SMG5: variants seen among roughly 807,000 people sequenced by gnomAD.
SMG5 encodes SMG5 nonsense mediated mRNA decay factor, also known as nonsense-mediated mRNA decay factor SMG5.
SMG5 carries 53 observed loss-of-function variants against 122.9 expected under a neutral mutation model. The ratio of observed to expected loss-of-function variants is 0.43; its 90% CI spans 0.35 to 0.54. SMG5 has a LOEUF of 0.54. SMG5 is among the 20% of genes least tolerant of loss of function. SMG5 has a pLI of 0.01. For missense variants in SMG5, 1,153 were observed against 1,285.6 expected (o/e 0.90, Z 1.58); for synonymous variants, 477 against 490.2 (o/e 0.97, Z 0.35).
Position 156,266,667 on chromosome 1 carries a change from A to G in SMG5, c.1129T>C (p.Tyr377His). ...HSLERAGSKQ[Y>H]SAAIAFTLAL... Reference sequence around the variant, plus strand: ...AGGGTGAAGGCAATGGCTGCACTGTACTGCTTGGATCCTGAAGTCAGGAAA... The same window carrying G: ...AGGGTGAAGGCAATGGCTGCACTGTGCTGCTTGGATCCTGAAGTCAGGAAA... Residue 377 changes from tyrosine to histidine, a missense_variant, in exon 11 of 22, where the codon TAC becomes CAC. Physicochemically the swap from Tyr to His is moderately conservative, Grantham distance 83. Around this residue, in one of 5 missense-constraint regions of SMG5, gnomAD observed 631 missense variants for 650.6 expected, o/e 0.97. Transcript: ENST00000361813. 1 of 1,614,168 alleles carries G rather than the reference A, an allele frequency of 6.2e-7. No homozygotes were observed. The highest frequency in any genetic ancestry group is 8.5e-7 in the Non-Finnish European group (1 of 1,180,038).
intron 10 of SMG5, 122 bp from the exon 11 acceptor site, chr1:156,266,800 T>TA: frequency 1.7e-5 from 20 of 1,152,122 alleles, no homozygotes; most frequent in African/African-American, 3.3e-5. Context: ...TATCAAAGAT[T>TA]CTTTTTTTTT....
In SMG5 at chr1:156,268,251, C is replaced by T. The variant is rs375298201; in HGVS notation, c.839+39G>A. 1.2e-5 allele frequency: 19 copies of T among 1,613,964 alleles called. No homozygotes were observed. The African/African-American group carries it at 1.3e-4, about 11-fold the overall frequency. ...AGTCCCTATGGTCCTACTGCACCAA[C>T]TGCAGAAAAAACCCGTCCTCCTCAC... On this transcript the variant is annotated intron_variant, in intron 8 of 21. Transcript: ENST00000361813.
chr1:156,263,361 G>A, intron 13 of SMG5, 34 bp downstream of exon 13: 2 of 1,585,052 alleles, frequency 1.3e-6, no homozygotes, highest in Non-Finnish European at 1.7e-6. Flanking sequence ...AAGACCCTGG[G>A]ACCTGACAGG....
intron 12 of SMG5, among the ~76,000 whole-genome samples, chr1:156,263,924 G>C (rs1190445132): frequency 6.6e-6 from 1 of 152,178 alleles, no homozygotes; most frequent in African/African-American, 2.4e-5. Context: ...AGGGCAGACA[G>C]TTAGAGGGGA....
At position 156,265,991 on chromosome 1, in the gene SMG5, G is replaced by A; in HGVS notation, c.1645C>T (p.Pro549Ser). 1.2e-6 allele frequency: 2 copies of A among 1,614,228 alleles called. No individual in the cohort carries two copies. The highest frequency in any genetic ancestry group is 8.5e-7 in the Non-Finnish European group (1 of 1,180,044). ...CCCAGTGGGCCATTGAGGGAATCGG[G>A]AGCCTCTGATCTGCCCCGAGGGGGC... ...LEPPRGRSEA[P>S]DSLNGPLGPS... Residue 549 changes from proline to serine, a missense_variant, in exon 12 of 22, where the codon CCC (proline) becomes TCC (serine). By Grantham distance (74) the Pro-to-Ser change is moderately conservative (BLOSUM62 -1). This residue lies in a region of SMG5 where 631 missense variants were observed against 650.6 expected (regional missense o/e 0.97). Coordinates refer to ENST00000361813, the MANE Select transcript of SMG5 (RefSeq NM_015327.3).
rs748576435 is a variant in SMG5 at position 156,277,911 on chromosome 1, G to A, written c.297+14C>T. 1.9e-6 allele frequency: 3 copies of A among 1,613,378 alleles called. No individual in the cohort carries two copies. Among genetic ancestry groups the A allele is most frequent in the South Asian group, 2.2e-5 (2 of 91,038 alleles). ...TCCTTGGCTTTCCCTCTTTAGACAA[G>A]GACTTCCCCTTACCTTTTTGTTAGT... is the stretch of plus-strand genomic sequence containing the variant. On this transcript the variant is annotated intron_variant, in intron 3 of 21. Transcript: ENST00000361813.
At chr1:156,273,581 T>C (rs1444329770) in intron 5 of SMG5, 131 bp from the exon 6 acceptor site, 2 of 796,586 alleles carry the variant, frequency 2.5e-6, no homozygotes, top group Non-Finnish European at 4.1e-6. Context: ...AGGAAGCAGG[T>C]TGCTGGGGTC....
chr1:156,252,837 G>C, intron 18 of SMG5, 82 bp downstream of exon 18: 4 of 1,397,486 alleles, frequency 2.9e-6, no homozygotes, highest in Non-Finnish European at 3.8e-6. Flanking sequence ...ATATAAACTG[G>C]GCCCCAAATA....
chr1:156,251,152 G>A, intron 20 of SMG5, 156 bp from the exon 21 acceptor site: 1 of 1,055,450 alleles, frequency 9.5e-7, no homozygotes, highest in South Asian at 1.5e-5. Context: ...TGGGGAGCAG[G>A]CAAAGGTGCA....
chr1:156,249,528 C>T lies in SMG5; in HGVS notation c.*1059G>A, dbSNP rs1339777431. 6 of 359,138 alleles carry T rather than the reference C, an allele frequency of 1.7e-5. No individual in the cohort carries two copies. Among genetic ancestry groups the T allele is most frequent in the Non-Finnish European group, 2.8e-5 (5 of 178,726 alleles). 22.2% of individuals were successfully genotyped at this position (359,138 alleles called of 1,614,324 possible). A position where few individuals can be genotyped will look rare whatever the true frequency, so the allele number is the denominator to read the frequency against. ...AGCCCTGCTCTTGGTGCGCCATTCA[C>T]TGCCCTGAGCTATTCATGATCTCTG... On this transcript the variant is annotated 3_prime_UTR_variant, in exon 22 of 22. Transcript: ENST00000361813.
chr1:156,260,766 G>A (rs1661788291), intron 14 of SMG5, 140 bp from the exon 15 acceptor site: 4 of 699,234 alleles, frequency 5.7e-6, no homozygotes, highest in Admixed American at 7.6e-5. Context: ...GAGAGATGGA[G>A]GGAGTGAAGT....
upstream of SMG5, chr1:156,285,148 G>A: frequency 1.3e-6 from 2 of 1,487,816 alleles, no homozygotes; most frequent in East Asian, 2.3e-5. Flanking sequence ...CTAGAAGACA[G>A]GGGTTTCTGA....
chr1:156,280,027 C>A (rs1390769375), intron 1 of SMG5, among the ~76,000 whole-genome samples: 1 of 152,170 alleles, frequency 6.6e-6, no homozygotes, highest in Non-Finnish European at 1.5e-5. Context: ...ACATAAAGCA[C>A]CCATAACAGT....
At chr1:156,251,556 C>G in intron 19 of SMG5, 79 bp from the exon 20 acceptor site, 1 of 1,452,520 alleles carries the variant, frequency 6.9e-7, no homozygotes, top group Admixed American at 1.7e-5. Flanking sequence ...TGTTGTGGCT[C>G]TGGGGGCCTG....
upstream of SMG5, chr1:156,285,093 C>A: frequency 8.8e-7 from 1 of 1,141,672 alleles, no homozygotes; most frequent in Non-Finnish European, 1.2e-6. Flanking sequence ...ACCCATGAAG[C>A]CAGTTGCCCT....
chr1:156,291,068 A>C, the SMG5 span: 1 of 319,054 alleles, frequency 3.1e-6, no homozygotes, highest in Admixed American at 4.4e-5. Flanking sequence ...CAAGGCCAGA[A>C]GTTTGAGCCC....
At chr1:156,261,902 A>G (rs2103220426) in intron 13 of SMG5, among the ~76,000 whole-genome samples, 1 of 151,570 alleles carries the variant, frequency 6.6e-6, no homozygotes, top group Middle Eastern at 3.4e-3. Flanking sequence ...AAAAAAAAAA[A>G]AAAAAAAAAA....
intron 20 of SMG5, 112 bp from the exon 21 acceptor site, chr1:156,251,108 G>T: frequency 7.1e-7 from 1 of 1,416,834 alleles, no homozygotes; most frequent in Non-Finnish European, 9.6e-7. Flanking sequence ...GCAGTGAGCA[G>T]CAGTGGGCCC....
At chr1:156,277,422 T>A (rs1434486813) in intron 3 of SMG5, among the ~76,000 whole-genome samples, 181 bp from the exon 4 acceptor site, 1 of 151,992 alleles carries the variant, frequency 6.6e-6, no homozygotes, top group East Asian at 1.9e-4. Context: ...CAGGCTCCCC[T>A]CCTTCTCTAA....
Sources: allele counts gnomAD v4.1 joint callset (sites outside exome capture counted in the v4.1 genomes callset), GRCh38; gene constraint gnomAD v4.1.1; regional missense constraint gnomAD v4.1.1; transcripts MANE v1.5; gene names NCBI Gene and HGNC (gene_info 2026-07-23, HGNC 2026-07-21).